PLCZ1: variants seen among roughly 807,000 people sequenced by gnomAD.
PLCZ1 encodes the protein phospholipase C zeta 1.
Under a neutral mutation model 76.8 loss-of-function variants are expected in PLCZ1, and 64 were observed. The ratio of observed to expected loss-of-function variants is 0.83; its 90% CI spans 0.68 to 1.03. PLCZ1 has a LOEUF of 1.03. Among genes scored for constraint, PLCZ1 ranks in the 50% least tolerant of loss-of-function variants. The pLI is 0.00. For synonymous variants in PLCZ1, 248 were observed against 230.8 expected, an observed-to-expected ratio of 1.07 and a Z score of -0.68; for missense variants, 751 against 713.7, an observed-to-expected ratio of 1.05 and a Z score of -0.60.
At chr12:18,737,070 T>C (rs1381798416) in intron 2 of PLCZ1, among the ~76,000 whole-genome samples, 1 of 152,006 alleles carries the variant, frequency 6.6e-6, no homozygotes, top group African/African-American at 2.4e-5. Flanking sequence ...TTATAAAAGG[T>C]ATAGGTAAAA....
chr12:18,651,706 A>G, the PLCZ1 span, among the ~76,000 whole-genome samples: 6 of 152,136 alleles, frequency 3.9e-5, no homozygotes, highest in African/African-American at 1.4e-4. Context: ...AGATCCATTC[A>G]TCTGAAGTCA....
At chr12:18,670,717 G>A in the PLCZ1 span, among the ~76,000 whole-genome samples, 4 of 152,182 alleles carry the variant, frequency 2.6e-5, no homozygotes, top group Admixed American at 2.0e-4. Flanking sequence ...GGCAGGCACA[G>A]CTCTTCAGTG....
intron 3 of PLCZ1, among the ~76,000 whole-genome samples, chr12:18,730,408 A>G (rs1958979239): frequency 6.6e-6 from 1 of 152,106 alleles, no homozygotes; most frequent in African/African-American, 2.4e-5. Context: ...AAAGTTTTAA[A>G]TTAGTGGTTC....
chr12:18,681,871 G>A (rs1215893250), downstream of PLCZ1, among the ~76,000 whole-genome samples: 1 of 151,932 alleles, frequency 6.6e-6, no homozygotes, highest in Non-Finnish European at 1.5e-5. Flanking sequence ...GAACTCTCTT[G>A]TAAAACTCGC....
intron 5 of PLCZ1, among the ~76,000 whole-genome samples, chr12:18,717,183 G>C (rs1321394441): frequency 6.6e-6 from 1 of 151,930 alleles, no homozygotes; most frequent in African/African-American, 2.4e-5. Flanking sequence ...TAATGTAAAA[G>C]TAATTATATA....
the PLCZ1 span, among the ~76,000 whole-genome samples, chr12:18,650,706 A>ATATATC: frequency 1.1e-3 from 9 of 8,368 alleles, no homozygotes; most frequent in South Asian, 8.9e-3. Context: ...GTGTGTGTGT[A>ATATATC]TATATCTATA....
intron 2 of PLCZ1, chr12:18,736,772 A>G (rs1398671114): frequency 3.4e-6 from 3 of 891,870 alleles, no homozygotes; most frequent in Non-Finnish European, 3.2e-6. Flanking sequence ...GAAGCATTAG[A>G]TGAATTCCTA....
intron 5 of PLCZ1, among the ~76,000 whole-genome samples, chr12:18,717,300 G>C (rs1958097939): frequency 6.6e-6 from 1 of 151,632 alleles, no homozygotes; most frequent in African/African-American, 2.4e-5. Flanking sequence ...CTATAAATTG[G>C]GCTGTCTTTA....
rs79154616 is a variant in PLCZ1 at position 18,704,081 on chromosome 12, G to A, written c.864+1085C>T. On this transcript the variant is annotated intron_variant, in intron 7 of 14. Coordinates refer to ENST00000266505, the MANE Select transcript of PLCZ1 (RefSeq NM_033123.4). ...AGTGGTCAAAGAGGAGTGAGGGAAG[G>A]CTAAAGAATGTGGTGTTACAACAGA... Among the ~76,000 whole-genome samples the A allele has an allele frequency of 4.9e-4, 75 of 152,290 alleles. No homozygotes were observed. In the East Asian group the frequency reaches 0.014, roughly 29 times the overall value.
chr12:18,708,235 T>C (rs187069707), intron 6 of PLCZ1, among the ~76,000 whole-genome samples: 16 of 152,064 alleles, frequency 1.1e-4, no homozygotes, highest in Non-Finnish European at 2.4e-4. Context: ...CATTTGAGAG[T>C]TTTTTTTCTA....
At chr12:18,685,694 A>G (rs532301210) in intron 13 of PLCZ1, 30 of 510,138 alleles carry the variant, frequency 5.9e-5, no homozygotes, top group African/African-American at 4.6e-4. Context: ...GTACAGAGGC[A>G]GGTTTAGAGT....
At chr12:18,692,673 A>G (rs780925128) in intron 12 of PLCZ1, 124 of 674,612 alleles carry the variant, frequency 1.8e-4, no homozygotes, top group Admixed American at 3.1e-4. Context: ...TCATTTCTAC[A>G]TTGAAATCAG....
At chr12:18,712,125 C>A (rs2137419837) in intron 6 of PLCZ1, among the ~76,000 whole-genome samples, 3 of 152,146 alleles carry the variant, frequency 2.0e-5, no homozygotes. Flanking sequence ...TTCTTTTAGT[C>A]ATTTTGATTG....
chr12:18,719,640 AAT>A lies in PLCZ1; in HGVS notation c.368-10_368-9del, dbSNP rs1350329240. On this transcript the variant is annotated splice_polypyrimidine_tract_variant and intron_variant, in intron 4 of 14. Transcript: ENST00000266505. Reference sequence around the variant, plus strand: ...TTTGGTGTGCTTTCCTAACTAAAAAAATAAAATAAAATAAGTTAAAAGGATGC... The same window carrying A: ...TTTGGTGTGCTTTCCTAACTAAAAAAAAAATAAAATAAGTTAAAAGGATGC... 3.9e-6 allele frequency: 6 copies of A among 1,553,330 alleles called. No individual in the cohort carries two copies. Among genetic ancestry groups the A allele is most frequent in the Middle Eastern group, 1.8e-4 (1 of 5,640 alleles).
At chr12:18,717,698 T>G (rs572538068) in intron 5 of PLCZ1, among the ~76,000 whole-genome samples, 4 of 152,290 alleles carry the variant, frequency 2.6e-5, no homozygotes, top group South Asian at 2.1e-4. Flanking sequence ...ACAGTATTAC[T>G]GTAATTTGGT....
the PLCZ1 span, among the ~76,000 whole-genome samples, chr12:18,650,343 ATATATGTGTGTGTGTG>A: frequency 7.6e-6 from 1 of 131,568 alleles, no homozygotes; most frequent in South Asian, 2.3e-4. Context: ...ATATATATAT[ATATATGTGTGTGTGTG>A]TGTGTGTGTG....
intron 3 of PLCZ1, among the ~76,000 whole-genome samples, chr12:18,724,914 A>G (rs1478470339): frequency 6.6e-6 from 1 of 152,156 alleles, no homozygotes; most frequent in Non-Finnish European, 1.5e-5. Flanking sequence ...TCACTGAATA[A>G]TGACAGTTTT....
At chr12:18,730,177 T>G (rs1286606947) in intron 3 of PLCZ1, among the ~76,000 whole-genome samples, 1 of 152,098 alleles carries the variant, frequency 6.6e-6, no homozygotes, top group East Asian at 1.9e-4. Context: ...TCTGAGAGAC[T>G]AGAAGATTTT....
rs533227069 is a variant in PLCZ1, at chr12:18,724,958, C to T, written c.136-1416G>A. On this transcript the variant is annotated intron_variant, in intron 3 of 14. Transcript: ENST00000266505. ...CAAACAGAGTATAAGCTTGGTCATC[C>T]GAAATGTTCTCTGATAATTTGTTTT... 3.9e-5 allele frequency among the ~76,000 whole-genome samples: 6 copies of T among 152,060 alleles called. No homozygotes were observed. In the South Asian group the frequency reaches 6.2e-4, roughly 16 times the overall value.
Sources: gnomAD v4.1 joint callset for allele counts (sites outside exome capture counted in the v4.1 genomes callset) on GRCh38, gnomAD v4.1.1 for gene constraint, MANE v1.5 for transcripts, NCBI Gene and HGNC (gene_info 2026-07-23, HGNC 2026-07-21) for gene names.